PCNX2: variants seen among roughly 807,000 people sequenced by gnomAD.
PCNX2 encodes the protein pecanex 2.
Under a neutral mutation model 223.8 loss-of-function variants are expected in PCNX2, and 168 were observed. The ratio of observed to expected loss-of-function variants is 0.75; its 90% CI spans 0.66 to 0.85. PCNX2 has a LOEUF of 0.85. PCNX2 is among the 40% of genes least tolerant of loss of function. The pLI is 0.00. For missense variants in PCNX2, 2,507 were observed against 2,675.5 expected (o/e 0.94, Z 1.39); for synonymous variants, 1,006 against 1,052.6 (o/e 0.96, Z 0.86).
At chr1:233,044,669 CTTTCT>C (rs1453114858) in intron 25 of PCNX2, among the ~76,000 whole-genome samples, 2 of 150,460 alleles carry the variant, frequency 1.3e-5, no homozygotes, top group African/African-American at 5.0e-5. Flanking sequence ...CATTTGTATT[CTTTCT>C]TTTTTTTTTT....
intron 10 of PCNX2, among the ~76,000 whole-genome samples, chr1:233,219,619 T>C (rs533573545): frequency 6.6e-6 from 1 of 152,192 alleles, no homozygotes; most frequent in African/African-American, 2.4e-5. Context: ...TAGGCAATTG[T>C]GAACATTTAA....
At chr1:233,222,880 A>C (rs894233436) in intron 10 of PCNX2, among the ~76,000 whole-genome samples, 4 of 152,208 alleles carry the variant, frequency 2.6e-5, no homozygotes, top group African/African-American at 4.8e-5. Flanking sequence ...TGTCATCCTG[A>C]AATCATGAGA....
intron 19 of PCNX2, among the ~76,000 whole-genome samples, chr1:233,159,992 A>G (rs1678367707): frequency 6.6e-6 from 1 of 152,214 alleles, no homozygotes. Flanking sequence ...ATTTTTCCAC[A>G]ATACCAATAG....
At chr1:233,033,738 C>T (rs1425373027) in intron 25 of PCNX2, among the ~76,000 whole-genome samples, 1 of 152,214 alleles carries the variant, frequency 6.6e-6, no homozygotes, top group South Asian at 2.1e-4. Context: ...GTCAGCCTTA[C>T]ATATGGGGCT....
At chr1:233,279,269 A>C (rs1342325534) in intron 1 of PCNX2, among the ~76,000 whole-genome samples, 2 of 152,016 alleles carry the variant, frequency 1.3e-5, no homozygotes, top group Admixed American at 1.3e-4. Context: ...CCCAGGCTGG[A>C]GTGCAGTGGC....
At chr1:233,128,929 C>G (rs562071836) in intron 21 of PCNX2, among the ~76,000 whole-genome samples, 2 of 152,316 alleles carry the variant, frequency 1.3e-5, no homozygotes, top group East Asian at 3.9e-4. Context: ...ATGCAGAGAC[C>G]GTTCTTTCTC....
chr1:233,113,483 G>T (rs561822000), intron 21 of PCNX2, among the ~76,000 whole-genome samples: 3 of 152,090 alleles, frequency 2.0e-5, no homozygotes, highest in Non-Finnish European at 4.4e-5. Context: ...CTGCATCCAA[G>T]CTAAGAGTTT....
At chr1:233,239,582 T>C (rs1658632391) in intron 8 of PCNX2, among the ~76,000 whole-genome samples, 1 of 152,208 alleles carries the variant, frequency 6.6e-6, no homozygotes, top group Admixed American at 6.5e-5. Flanking sequence ...ACTATAAGCA[T>C]GTTGTCTTCC....
chr1:233,169,036 A>T (rs1356074920), intron 17 of PCNX2, among the ~76,000 whole-genome samples: 1 of 152,168 alleles, frequency 6.6e-6, no homozygotes. Flanking sequence ...ATATTTGTGT[A>T]CAATTATATA....
chr1:233,048,445 G>A (rs67434181), intron 25 of PCNX2, among the ~76,000 whole-genome samples: 39,726 of 152,148 alleles, frequency 0.26, 6,852 homozygotes, highest in African/African-American at 0.49. Flanking sequence ...AACAGAGTGA[G>A]ACTCTGTCTT....
At chr1:233,013,650 T>C (rs1199752874) in intron 28 of PCNX2, among the ~76,000 whole-genome samples, 4 of 152,078 alleles carry the variant, frequency 2.6e-5, no homozygotes, top group African/African-American at 7.2e-5. Context: ...TAATATAATA[T>C]AGACACAATG....
intron 9 of PCNX2, 75 bp from the exon 10 acceptor site, chr1:233,227,446 A>T: frequency 3.3e-6 from 4 of 1,197,866 alleles, no homozygotes; most frequent in Non-Finnish European, 4.6e-6. Flanking sequence ...ATATATATAT[A>T]TGTATACACA....
intron 1 of PCNX2, among the ~76,000 whole-genome samples, chr1:233,286,646 C>T (rs1486805843): frequency 1.3e-5 from 2 of 152,048 alleles, no homozygotes; most frequent in African/African-American, 4.8e-5. Context: ...CACAGCAGCC[C>T]TCATCAAGAC....
In PCNX2 at chr1:233,135,064, A is replaced by G. The variant is rs779871141; in HGVS notation, c.3786T>C (p.Ile1262=). 18 of 1,612,324 alleles carry G rather than the reference A, an allele frequency of 1.1e-5. No individual in the cohort carries two copies. In the East Asian group the frequency reaches 3.8e-4, roughly 34 times the overall value. The change falls in exon 21 of 34, where the codon ATT becomes ATC. Residue 1262 remains isoleucine (I), a synonymous_variant. Transcript: ENST00000258229. ...VIFFHFDYKD[I]SESFLLDFFM... is the part of the protein sequence containing the mutation. ...AGAAATCCAGTAAGAAGCTCTCTGA[A>G]ATATCTTTGTAGTCAAAGTGGAAAA... is the stretch of plus-strand genomic sequence containing the variant.
At chr1:233,160,918 G>A (rs1005979203) in intron 18 of PCNX2, among the ~76,000 whole-genome samples, 12 of 152,016 alleles carry the variant, frequency 7.9e-5, no homozygotes, top group Non-Finnish European at 8.8e-5. Context: ...ACCCCGATAC[G>A]GTGACTCCTC....
At position 232,988,534 on chromosome 1, in the gene PCNX2, A is replaced by T. The variant is rs577944380; in HGVS notation, c.5792-1994T>A. On this transcript the variant is annotated intron_variant, in intron 32 of 33. Coordinates refer to ENST00000258229, the MANE Select transcript of PCNX2 (RefSeq NM_014801.4). ...TTACAATTTAACTTATTTTGCAAAT[A>T]ACTCTATTACCAAGTTATGAATGTT... is the stretch of plus-strand genomic sequence containing the variant. Among the ~76,000 whole-genome samples, 4 of 152,218 alleles carry T rather than the reference A, an allele frequency of 2.6e-5. No homozygotes were observed. The South Asian group carries it at 8.3e-4, about 32-fold the overall frequency.
At chr1:233,190,884 A>G (rs993996478) in intron 15 of PCNX2, among the ~76,000 whole-genome samples, 3 of 152,202 alleles carry the variant, frequency 2.0e-5, no homozygotes, top group African/African-American at 7.2e-5. Context: ...GCTGGCTCTG[A>G]TCAGTTGGCA....
At chr1:233,142,906 CCT>C (rs1677213732) in intron 19 of PCNX2, among the ~76,000 whole-genome samples, 1 of 152,152 alleles carries the variant, frequency 6.6e-6, no homozygotes. Context: ...TCTCCCATTT[CCT>C]CTGTCATCTC....
At chr1:233,125,681 C>T (rs568545631) in intron 21 of PCNX2, among the ~76,000 whole-genome samples, 23 of 152,298 alleles carry the variant, frequency 1.5e-4, no homozygotes, top group Middle Eastern at 3.4e-3. Context: ...ACTTCTCCCC[C>T]ACCCGAAGAC....
Sources: gnomAD v4.1 joint callset for allele counts (sites outside exome capture counted in the v4.1 genomes callset) on GRCh38, gnomAD v4.1.1 for gene constraint, MANE v1.5 for transcripts, NCBI Gene and HGNC (gene_info 2026-07-23, HGNC 2026-07-21) for gene names.